The following NFATC2 variants were observed in gnomAD, a reference collection of about 807,000 sequenced individuals.
The protein encoded by NFATC2 is nuclear factor of activated T cells 2.
In NFATC2, 22 loss-of-function variants were observed where a neutral mutation model predicts 87.3. The ratio of observed to expected loss-of-function variants is 0.25; its 90% CI spans 0.18 to 0.36. The LOEUF is 0.36. Among genes scored for constraint, NFATC2 ranks in the 10% least tolerant of loss-of-function variants. The probability of loss-of-function intolerance (pLI) is 1.00; values close to 1 mark genes in which losing one functional copy is unlikely to be tolerated. For synonymous variants in NFATC2, 565 were observed against 542.2 expected, an observed-to-expected ratio of 1.04 and a Z score of -0.58; for missense variants, 1,149 against 1,259.1, an observed-to-expected ratio of 0.91 and a Z score of 1.32.
chr20:51,432,813 C>G lies in NFATC2; in HGVS notation c.2033-57G>C, dbSNP rs1359644536. The G allele has an allele frequency of 6.9e-7, 1 of 1,441,356 alleles. No individual in the cohort carries two copies. Among genetic ancestry groups the G allele is most frequent in the Non-Finnish European group, 9.2e-7 (1 of 1,088,120 alleles). The allele number at this position is 1,441,356 out of a possible 1,614,324, so 89.3% of individuals were successfully genotyped here. ...CATGGCAGTGAGCCACGGATGTGCACGGAGGATTCGTGGATGGTGCTTGAG... is the reference window on the plus strand; with the variant it reads ...CATGGCAGTGAGCCACGGATGTGCAGGGAGGATTCGTGGATGGTGCTTGAG... On this transcript the variant is annotated intron_variant, in intron 8 of 10. Transcript: ENST00000371564. This position sits in a 1 kb window ranked among gnomAD's most constrained non-coding sequence, Gnocchi z 4.6.
intron 10 of NFATC2, among the ~76,000 whole-genome samples, chr20:51,392,467 G>GTGGATCCTGC (rs1013257839): frequency 5.3e-4 from 80 of 152,322 alleles, no homozygotes; most frequent in African/African-American, 1.7e-3. Flanking sequence ...TCTTAGGATA[G>GTGGATCCTGC]TGGATCCTGC....
chr20:51,483,075 C>T (rs1353067652), intron 3 of NFATC2, among the ~76,000 whole-genome samples: 1 of 152,202 alleles, frequency 6.6e-6, no homozygotes, highest in Admixed American at 6.5e-5. Context: ...CTTCCCGCAA[C>T]CCAGCCCCAG....
intron 9 of NFATC2, among the ~76,000 whole-genome samples, chr20:51,411,495 G>A (rs893377155): frequency 6.8e-6 from 1 of 146,748 alleles, no homozygotes; most frequent in Non-Finnish European, 1.5e-5. Context: ...ATAGTGCAAG[G>A]TCCTGAAGCA....
chr20:51,538,773 C>T (rs1435421622), intron 1 of NFATC2, among the ~76,000 whole-genome samples: 1 of 152,216 alleles, frequency 6.6e-6, no homozygotes, highest in Non-Finnish European at 1.5e-5. Context: ...CTATTCAAGG[C>T]AGGTAACGGT....
intron 5 of NFATC2, among the ~76,000 whole-genome samples, chr20:51,459,309 C>T (rs1986890245): frequency 1.3e-5 from 2 of 152,166 alleles, no homozygotes; most frequent in South Asian, 4.1e-4. Flanking sequence ...CACAAAAGGA[C>T]AAATGGCATA....
chr20:51,562,429 G>A lies in NFATC2; in HGVS notation c.70+131C>T. ...CGGGCCCCGCTACCTGTGCGCCGAG[G>A]GCGAGCGGGGTCCCCAGGCCTCCCG... On this transcript the variant is annotated intron_variant, in intron 1 of 10. Transcript: ENST00000414705. This position sits in a 1 kb window ranked among gnomAD's most constrained non-coding sequence, Gnocchi z 5.8. 1 of 791,614 alleles carries A rather than the reference G, an allele frequency of 1.3e-6. No homozygotes were observed. 49.0% of individuals were successfully genotyped at this position (791,614 alleles called of 1,614,324 possible). A position where few individuals can be genotyped will look rare whatever the true frequency, so the allele number is the denominator to read the frequency against.
Position 51,480,240 on chromosome 20 carries a change from A to G in NFATC2, c.1333-4580T>C, listed in dbSNP as rs1353027015. Among the ~76,000 whole-genome samples the G allele has an allele frequency of 6.6e-6, 1 of 152,046 alleles. No homozygotes were observed. The highest frequency in any genetic ancestry group is 1.5e-5 in the Non-Finnish European group (1 of 68,020). On this transcript the variant is annotated intron_variant, in intron 3 of 10. Coordinates refer to ENST00000371564, the MANE Select transcript of NFATC2 (RefSeq NM_012340.5). This position sits in a 1 kb window ranked among gnomAD's most constrained non-coding sequence, Gnocchi z 4.2. The stretch of plus-strand genomic sequence containing the variant: ...GGGTTGGAGGTGGCAGTGAGCCGAT[A>G]TTGCACCACTGCACTCCCGCCTGGG...
intron 1 of NFATC2, among the ~76,000 whole-genome samples, chr20:51,540,998 G>A (rs1454424571): frequency 2.6e-5 from 4 of 152,128 alleles, no homozygotes; most frequent in Admixed American, 1.3e-4. Flanking sequence ...AACTCTAGAA[G>A]ACTGGTCTCT....
chr20:51,544,137 G>A (rs986669294), upstream of NFATC2, among the ~76,000 whole-genome samples: 9 of 151,804 alleles, frequency 5.9e-5, no homozygotes, highest in Non-Finnish European at 1.0e-4. Flanking sequence ...ACAGGCGCCA[G>A]CCACCATGCC....
At chr20:51,484,858 ATG>A (rs1375361294) in intron 3 of NFATC2, among the ~76,000 whole-genome samples, 4 of 152,194 alleles carry the variant, frequency 2.6e-5, no homozygotes, top group Non-Finnish European at 5.9e-5. Flanking sequence ...CACTGGCTGG[ATG>A]TGTCTTCAGT....
chr20:51,550,044 G>A (rs2076920176), intron 1 of NFATC2, among the ~76,000 whole-genome samples: 1 of 152,144 alleles, frequency 6.6e-6, no homozygotes, highest in African/African-American at 2.4e-5. Flanking sequence ...ACATATTGTT[G>A]GGTTGAAAAT....
intron 5 of NFATC2, among the ~76,000 whole-genome samples, chr20:51,468,084 C>A (rs948545546): frequency 1.3e-5 from 2 of 152,172 alleles, no homozygotes; most frequent in Non-Finnish European, 2.9e-5. Flanking sequence ...TGTATTAATT[C>A]CATTCTATAA....
intron 1 of NFATC2, among the ~76,000 whole-genome samples, chr20:51,540,984 T>C (rs1051423297): frequency 2.0e-5 from 3 of 152,130 alleles, no homozygotes; most frequent in African/African-American, 4.8e-5. Flanking sequence ...GTCCTCCAGA[T>C]TGCAACTCTA....
intron 1 of NFATC2, among the ~76,000 whole-genome samples, chr20:51,552,173 A>C (rs1166354468): frequency 6.6e-6 from 1 of 152,204 alleles, no homozygotes; most frequent in Non-Finnish European, 1.5e-5. Flanking sequence ...CATCTTTATG[A>C]AGCTGAAACA....
intron 3 of NFATC2, among the ~76,000 whole-genome samples, chr20:51,501,935 T>C (rs923149256): frequency 3.3e-5 from 5 of 152,206 alleles, no homozygotes; most frequent in Admixed American, 2.0e-4. Context: ...CCAGAGACAA[T>C]ATGCAAATAC....
At chr20:51,403,097 T>G (rs78477550) in intron 9 of NFATC2, among the ~76,000 whole-genome samples, 12,991 of 152,234 alleles carry the variant, frequency 0.085, 649 homozygotes, top group East Asian at 0.22. Flanking sequence ...GCGCACGTCC[T>G]GGAAGCAGAG....
rs565785066 is a variant in NFATC2, at chr20:51,532,983, G to A, written c.131-8873C>T. 1.9e-4 allele frequency among the ~76,000 whole-genome samples: 29 copies of A among 152,296 alleles called. No homozygotes were observed. The East Asian group carries it at 5.2e-3, about 27-fold the overall frequency. On this transcript the variant is annotated intron_variant, in intron 1 of 10. Coordinates refer to ENST00000371564, the MANE Select transcript of NFATC2 (RefSeq NM_012340.5). ...CACTGATCCCTGGCCAAGCTGATCC[G>A]ACCCACGGCTTGATGAGCTCACCCC... is the stretch of plus-strand genomic sequence containing the variant.
At chr20:51,412,448 G>C (rs561590778) in intron 9 of NFATC2, among the ~76,000 whole-genome samples, 2 of 152,206 alleles carry the variant, frequency 1.3e-5, no homozygotes, top group African/African-American at 2.4e-5. Context: ...CACGGGCCAG[G>C]GGGTGGGCAG....
intron 3 of NFATC2, among the ~76,000 whole-genome samples, chr20:51,489,857 G>T (rs1181501390): frequency 7.2e-5 from 11 of 152,206 alleles, no homozygotes; most frequent in African/African-American, 2.7e-4. Context: ...GTCTAGAAAG[G>T]TATTCCCAAG....
Sources: allele counts gnomAD v4.1 joint callset (sites outside exome capture counted in the v4.1 genomes callset), GRCh38; gene constraint gnomAD v4.1.1; non-coding constraint Gnocchi (gnomAD v3.1); transcripts MANE v1.5; gene names NCBI Gene and HGNC (gene_info 2026-07-23, HGNC 2026-07-21).